The following UCHL5 variants were observed in gnomAD, a reference collection of about 807,000 sequenced individuals.
UCHL5 encodes the protein ubiquitin carboxyl-terminal hydrolase isozyme L5.
UCHL5 carries 34 observed loss-of-function variants against 53.8 expected under a neutral mutation model. The observed-to-expected ratio is 0.63, with a 90% CI of 0.48 to 0.84. The LOEUF (loss-of-function observed/expected upper bound fraction) is 0.84, where lower values mean the gene tolerates loss of function less well. UCHL5 is among the 40% of genes least tolerant of loss of function. UCHL5 has a pLI of 0.00. For synonymous variants in UCHL5, 111 were observed against 126.3 expected (o/e 0.88, Z 0.81); for missense variants, 290 against 385.6 (o/e 0.75, Z 2.08).
chr1:193,055,575 T>TA (rs1298747690), intron 1 of UCHL5, among the ~76,000 whole-genome samples: 1 of 152,254 alleles, frequency 6.6e-6, no homozygotes, highest in Non-Finnish European at 1.5e-5. Flanking sequence ...GCAAGCAGGA[T>TA]AAAATCTAAC....
intron 3 of UCHL5, among the ~76,000 whole-genome samples, chr1:193,043,192 A>G (rs1666283375): frequency 6.9e-6 from 1 of 145,264 alleles, no homozygotes; most frequent in African/African-American, 2.5e-5. Flanking sequence ...TATTTCTTAT[A>G]AACTATTGTT....
intron 3 of UCHL5, among the ~76,000 whole-genome samples, chr1:193,039,027 A>T (rs750158164): frequency 2.6e-5 from 4 of 152,216 alleles, no homozygotes; most frequent in Non-Finnish European, 5.9e-5. Context: ...CAGCATACAA[A>T]AATCAGCTGC....
chr1:193,034,226 C>T (rs779155432), intron 3 of UCHL5, among the ~76,000 whole-genome samples: 30 of 151,628 alleles, frequency 2.0e-4, no homozygotes, highest in South Asian at 8.3e-4. Context: ...TACATAAAAC[C>T]ACTATCACAC....
chr1:193,051,607 T>G, intron 2 of UCHL5, 147 bp downstream of exon 2: 1 of 391,582 alleles, frequency 2.6e-6, no homozygotes, highest in Non-Finnish European at 4.6e-6. Flanking sequence ...AATAATAATA[T>G]CTATCTCACA....
At chr1:193,044,690 A>C (rs570431954) in intron 3 of UCHL5, among the ~76,000 whole-genome samples, 64 of 152,250 alleles carry the variant, frequency 4.2e-4, no homozygotes, top group African/African-American at 1.5e-3. Flanking sequence ...GATTTCATTA[A>C]ATTTTTTCAA....
chr1:193,036,740 T>C (rs907878619), intron 3 of UCHL5, among the ~76,000 whole-genome samples: 3 of 152,024 alleles, frequency 2.0e-5, no homozygotes, highest in Admixed American at 6.5e-5. Flanking sequence ...ACCATGTTAG[T>C]CCACAAAACA....
At chr1:193,040,019 A>T (rs762405108) in intron 3 of UCHL5, among the ~76,000 whole-genome samples, 1 of 152,206 alleles carries the variant, frequency 6.6e-6, no homozygotes, top group Non-Finnish European at 1.5e-5. Context: ...AGACTTAAAT[A>T]TAAGACTTGA....
Position 193,033,756 on chromosome 1 carries a change from G to A in UCHL5, c.247-4099C>T, listed in dbSNP as rs141713005. Among the ~76,000 whole-genome samples, 1,362 of 152,074 alleles carry A rather than the reference G, an allele frequency of 9.0e-3. 8 individuals are homozygous for A. The highest frequency in any genetic ancestry group is 0.015 in the Non-Finnish European group (996 of 67,956). ...GGATGAACACCAGAAAAACAAAATA[G>A]TAAAGGAAAAAATCATTTTATACTG... On this transcript the variant is annotated intron_variant, in intron 3 of 10. Transcript: ENST00000367454.
chr1:193,023,164 C>T (rs1657779999), intron 8 of UCHL5, 128 bp from the exon 9 acceptor site: 6 of 638,106 alleles, frequency 9.4e-6, no homozygotes, highest in East Asian at 5.5e-5. Context: ...GCAGCATGCC[C>T]GCCTAACAGC....
chr1:193,021,197 T>G lies in UCHL5; in HGVS notation c.844-2A>C. ...ATGCTTCCTTCTGATATTCTCAATC[T>G]GAAAATAAAACATCAATCCACACTA... On this transcript the variant is annotated splice_acceptor_variant, in intron 9 of 10. Transcript: ENST00000367454. LOFTEE classifies it high-confidence loss of function. The G allele has an allele frequency of 6.3e-7, 1 of 1,582,552 alleles. No individual in the cohort carries two copies. The highest frequency in any genetic ancestry group is 8.7e-7 in the Non-Finnish European group (1 of 1,154,032).
upstream of UCHL5, chr1:193,059,990 C>A (rs1169446007): frequency 7.3e-7 from 1 of 1,365,932 alleles, no homozygotes; most frequent in Middle Eastern, 2.1e-4. The surrounding 1 kb of genome is among the most constrained non-coding windows in gnomAD (Gnocchi z 4.9). Flanking sequence ...CTAGGCCCGG[C>A]CGGACCATTC....
upstream of UCHL5, chr1:193,059,824 G>C: frequency 4.4e-6 from 6 of 1,358,134 alleles, no homozygotes; most frequent in Non-Finnish European, 5.9e-6. This position sits in a 1 kb window ranked among gnomAD's most constrained non-coding sequence, Gnocchi z 4.9. Context: ...TGCGGCCCCA[G>C]GGACGCGCAA....
At chr1:193,052,467 T>C (rs1054464056) in intron 1 of UCHL5, among the ~76,000 whole-genome samples, 36 of 152,174 alleles carry the variant, frequency 2.4e-4, no homozygotes, top group African/African-American at 8.4e-4. Context: ...TGCTGATAGA[T>C]ATCCTACGTT....
chr1:193,022,803 A>C, intron 9 of UCHL5, 123 bp downstream of exon 9: 1 of 632,832 alleles, frequency 1.6e-6, no homozygotes, highest in Non-Finnish European at 2.7e-6. Flanking sequence ...TAAGAGAATC[A>C]ACAAATTATT....
chr1:193,051,670 A>G, intron 2 of UCHL5, 84 bp downstream of exon 2: 1 of 811,932 alleles, frequency 1.2e-6, no homozygotes, highest in South Asian at 2.1e-5. Flanking sequence ...TAATCCAAGT[A>G]AAATAAACAA....
chr1:193,018,242 T>A (rs1022702151), intron 10 of UCHL5, among the ~76,000 whole-genome samples: 1 of 151,518 alleles, frequency 6.6e-6, no homozygotes, highest in Non-Finnish European at 1.5e-5. Context: ...ATTGTGAAGT[T>A]GTTTGGATTT....
At chr1:193,022,624 C>CCACTGCA (rs1185653347) in intron 9 of UCHL5, among the ~76,000 whole-genome samples, 1 of 149,528 alleles carries the variant, frequency 6.7e-6, no homozygotes, top group African/African-American at 2.5e-5. Flanking sequence ...CAAGATTGCA[C>CCACTGCA]CACTGCACTC....
chr1:193,018,876 A>G (rs1655835553), intron 10 of UCHL5: 1 of 1,494,846 alleles, frequency 6.7e-7, no homozygotes, highest in Non-Finnish European at 9.0e-7. Context: ...TCTGAATTCT[A>G]TAGGTAATTT....
At chr1:193,033,990 G>A (rs764323932) in intron 3 of UCHL5, among the ~76,000 whole-genome samples, 55 of 152,282 alleles carry the variant, frequency 3.6e-4, no homozygotes, top group Middle Eastern at 3.4e-3. Context: ...TCATAGTGGG[G>A]TTATTCTTTA....
Sources: allele counts gnomAD v4.1 joint callset (sites outside exome capture counted in the v4.1 genomes callset), GRCh38; gene constraint gnomAD v4.1.1; non-coding constraint Gnocchi (gnomAD v3.1); transcripts MANE v1.5; gene names NCBI Gene and HGNC (gene_info 2026-07-23, HGNC 2026-07-21).